The following H2AC4 variants were observed in gnomAD, a reference collection of about 807,000 sequenced individuals.
H2AC4 encodes the protein histone H2A type 1-B/E.
A neutral mutation model predicts 6.1 loss-of-function variants in H2AC4; 8 were observed. That is an observed-to-expected ratio of 1.31 (90% CI 0.77 to 2.36). The LOEUF is 2.36. H2AC4 is among the 30% of genes most tolerant of loss of function. The pLI, the probability that H2AC4 is intolerant of heterozygous loss-of-function variation, is 0.00. For missense variants in H2AC4, 260 were observed against 180.4 expected, an observed-to-expected ratio of 1.44 and a Z score of -2.53; for synonymous variants, 129 against 78.4, an observed-to-expected ratio of 1.64 and a Z score of -3.41.
At position 26,033,221 on chromosome 6, in the gene H2AC4, C is replaced by T; in HGVS notation, c.348G>A (p.Leu116=). ...GGVLPNIQAV[L]LPKKTESHHK... ...GATGGCTCTCAGTTTTCTTAGGCAG[C>T]AGCACCGCCTGAATATTAGGCAAAA... Residue 116 remains leucine (L), a synonymous_variant, in exon 1 of 1, where the codon CTG becomes CTA. Coordinates refer to ENST00000615868, the MANE Select transcript of H2AC4 (RefSeq NM_003513.3). 9 of 1,614,216 alleles carry T rather than the reference C, an allele frequency of 5.6e-6. No homozygotes were observed. The highest frequency in any genetic ancestry group is 1.7e-5 in the Admixed American group (1 of 60,028).
rs200253591 is a variant in H2AC4 at position 26,033,507 on chromosome 6, C to T, written c.62G>A (p.Arg21His). 17 of 1,614,196 alleles carry T rather than the reference C, an allele frequency of 1.1e-5. No homozygotes were observed. The Admixed American group carries it at 1.5e-4, about 14-fold the overall frequency. Reference sequence around the variant, plus strand: ...GCCCACAGGAAACTGCAAACCTGCACGAGAAGACCGAGTCTTAGCCTTGGC... The same window carrying T: ...GCCCACAGGAAACTGCAAACCTGCATGAGAAGACCGAGTCTTAGCCTTGGC... ...ARAKAKTRSS[R>H]AGLQFPVGRV... The change falls in exon 1 of 1, where the codon CGT becomes CAT. Residue 21 changes from arginine to histidine, a missense_variant. Arg to His is a conservative substitution (Grantham distance 29). Coordinates refer to ENST00000615868, the MANE Select transcript of H2AC4 (RefSeq NM_003513.3).
rs774600841 is a variant in H2AC4 at position 26,033,523 on chromosome 6, T to C, written c.46A>G (p.Lys16Glu). ...KQGGKARAKA[K>E]TRSSRAGLQF... The stretch of plus-strand genomic sequence containing the variant: ...AAACCTGCACGAGAAGACCGAGTCT[T>C]AGCCTTGGCGCGAGCTTTACCGCCT... Residue 16 changes from lysine (K) to glutamate (E), a missense_variant, in exon 1 of 1, where the codon AAG (lysine) becomes GAG (glutamate). Transcript: ENST00000615868. 1 of 1,614,158 alleles carries C rather than the reference T, an allele frequency of 6.2e-7. No homozygotes were observed. Among genetic ancestry groups the C allele is most frequent in the South Asian group, 1.1e-5 (1 of 91,078 alleles).
rs1561919835 is a variant in H2AC4, at chr6:26,033,279, A to G, written c.290T>C (p.Leu97Pro). Reference sequence around the variant, plus strand: ...CTGCGCGATGGTCACACGCCCCAAGAGTTTATTAAGCTCCTCGTCATTGCG... The same window carrying G: ...CTGCGCGATGGTCACACGCCCCAAGGGTTTATTAAGCTCCTCGTCATTGCG... ...AIRNDEELNK[L>P]LGRVTIAQGG... The change falls in exon 1 of 1, where the codon CTC (leucine) becomes CCC (proline). Residue 97 changes from leucine to proline, a missense_variant. By Grantham distance (98) the Leu-to-Pro change is moderately conservative (BLOSUM62 -3). Coordinates refer to ENST00000615868, the MANE Select transcript of H2AC4 (RefSeq NM_003513.3). 1 of 1,614,080 alleles carries G rather than the reference A, an allele frequency of 6.2e-7. No individual in the cohort carries two copies. Among genetic ancestry groups the G allele is most frequent in the East Asian group, 2.2e-5 (1 of 44,846 alleles).
Position 26,033,599 on chromosome 6 carries a change from AG to A in H2AC4, c.-32del. 6.2e-7 allele frequency: 1 copy of A among 1,607,528 alleles called. No individual in the cohort carries two copies. The highest frequency in any genetic ancestry group is 2.2e-5 in the East Asian group (1 of 44,854). ...CTTCTGATAAGGGAAAATCGCCACA[AG>A]AAAATGTAATGAAACTACATTAGAA... On this transcript the variant is annotated 5_prime_UTR_variant, in exon 1 of 1. Transcript: ENST00000615868.
Position 26,033,257 on chromosome 6 carries a change from C to G in H2AC4, c.312G>C (p.Ala104=). 6.2e-7 allele frequency: 1 copy of G among 1,614,158 alleles called. No homozygotes were observed. Among genetic ancestry groups the G allele is most frequent in the Non-Finnish European group, 8.5e-7 (1 of 1,180,036 alleles). ...GAATATTAGGCAAAACGCCACCCTG[C>G]GCGATGGTCACACGCCCCAAGAGTT... is the stretch of plus-strand genomic sequence containing the variant. ...LNKLLGRVTI[A]QGGVLPNIQA... is the part of the protein sequence containing the mutation. The change falls in exon 1 of 1, where the codon GCG becomes GCC. Residue 104 remains alanine (A), a synonymous_variant. Coordinates refer to ENST00000615868, the MANE Select transcript of H2AC4 (RefSeq NM_003513.3).
chr6:26,033,458 T>C lies in H2AC4; in HGVS notation c.111A>G (p.Lys37=). ...PVGRVHRLLR[K]GNYSERVGAG... ...CCCCGACGCGCTCGGAGTAGTTGCC[T>C]TTGCGGAGCAGGCGGTGCACTCGGC... The change falls in exon 1 of 1, where the codon AAA becomes AAG. Residue 37 remains lysine, a synonymous_variant. Coordinates refer to ENST00000615868, the MANE Select transcript of H2AC4 (RefSeq NM_003513.3). The C allele has an allele frequency of 1.2e-6, 2 of 1,614,130 alleles. No homozygotes were observed. The highest frequency in any genetic ancestry group is 1.7e-6 in the Non-Finnish European group (2 of 1,180,026).
At position 26,033,338 on chromosome 6, in the gene H2AC4, G is replaced by A. The variant is rs772623470; in HGVS notation, c.231C>T (p.Thr77=). 3 of 1,614,108 alleles carry A rather than the reference G, an allele frequency of 1.9e-6. No individual in the cohort carries two copies. Among genetic ancestry groups the A allele is most frequent in the Admixed American group, 1.7e-5 (1 of 60,024 alleles). ...ATTGCAGGTGGCGCGGGATGATGCG[G>A]GTCTTCTTGTTGTCGCGGGCCGCAT... ...AGNAARDNKK[T]RIIPRHLQLA... is the part of the protein sequence containing the mutation. The change falls in exon 1 of 1, where the codon ACC becomes ACT. Residue 77 remains threonine (T), a synonymous_variant. Coordinates refer to ENST00000615868, the MANE Select transcript of H2AC4 (RefSeq NM_003513.3).
Position 26,033,307 on chromosome 6 carries a change from T to A in H2AC4, c.262A>T (p.Ile88Phe). The change falls in exon 1 of 1, where the codon ATC (isoleucine) becomes TTC (phenylalanine). Residue 88 changes from isoleucine (I) to phenylalanine (F), a missense_variant. Physicochemically the swap from Ile to Phe is conservative, Grantham distance 21 (BLOSUM62 0). Coordinates refer to ENST00000615868, the MANE Select transcript of H2AC4 (RefSeq NM_003513.3). The stretch of plus-strand genomic sequence containing the variant: ...TTATTAAGCTCCTCGTCATTGCGGA[T>A]GGCCAATTGCAGGTGGCGCGGGATG... ...RIIPRHLQLA[I>F]RNDEELNKLL... The A allele has an allele frequency of 6.2e-7, 1 of 1,614,190 alleles. No individual in the cohort carries two copies. The highest frequency in any genetic ancestry group is 8.5e-7 in the Non-Finnish European group (1 of 1,180,038).
In H2AC4 at chr6:26,033,494, C is replaced by G; in HGVS notation, c.75G>C (p.Gln25His). ...AKTRSSRAGLQFPVGRVHRLL... is the reference protein window; with the variant it reads ...AKTRSSRAGLHFPVGRVHRLL... Reference sequence around the variant, plus strand: ...GGCGGTGCACTCGGCCCACAGGAAACTGCAAACCTGCACGAGAAGACCGAG... The same window carrying G: ...GGCGGTGCACTCGGCCCACAGGAAAGTGCAAACCTGCACGAGAAGACCGAG... The change falls in exon 1 of 1, where the codon CAG (glutamine) becomes CAC (histidine). Residue 25 changes from glutamine (Q) to histidine (H), a missense_variant. Physicochemically the swap from Gln to His is conservative, Grantham distance 24. Transcript: ENST00000615868. The G allele has an allele frequency of 6.2e-7, 1 of 1,614,228 alleles. No individual in the cohort carries two copies. Among genetic ancestry groups the G allele is most frequent in the Non-Finnish European group, 8.5e-7 (1 of 1,180,040 alleles).
Position 26,033,517 on chromosome 6 carries a change from G to C in H2AC4, c.52C>G (p.Arg18Gly). 6.2e-7 allele frequency: 1 copy of C among 1,614,206 alleles called. No homozygotes were observed. Among genetic ancestry groups the C allele is most frequent in the Non-Finnish European group, 8.5e-7 (1 of 1,180,032 alleles). Residue 18 changes from arginine (R) to glycine (G), a missense_variant, in exon 1 of 1, where the codon CGG becomes GGG. Transcript: ENST00000615868. ...AACTGCAAACCTGCACGAGAAGACC[G>C]AGTCTTAGCCTTGGCGCGAGCTTTA... ...GGKARAKAKTRSSRAGLQFPV... is the reference protein window; with the variant it reads ...GGKARAKAKTGSSRAGLQFPV...
At position 26,033,317 on chromosome 6, in the gene H2AC4, C is replaced by G; in HGVS notation, c.252G>C (p.Leu84=). The change falls in exon 1 of 1, where the codon CTG becomes CTC. Residue 84 remains leucine (L), a synonymous_variant. Transcript: ENST00000615868. ...CCTCGTCATTGCGGATGGCCAATTG[C>G]AGGTGGCGCGGGATGATGCGGGTCT... ...NKKTRIIPRH[L]QLAIRNDEEL... 1 of 1,614,178 alleles carries G rather than the reference C, an allele frequency of 6.2e-7. No homozygotes were observed. The highest frequency in any genetic ancestry group is 8.5e-7 in the Non-Finnish European group (1 of 1,180,030).
chr6:26,033,582 A>ACGT lies in H2AC4; in HGVS notation c.-15_-14insACG, dbSNP rs1554147667. On this transcript the variant is annotated 5_prime_UTR_variant, in exon 1 of 1. Transcript: ENST00000615868. ...GCGACCAGACATAACTACTTCTGAT[A>ACGT]AGGGAAAATCGCCACAAGAAAATGT... 1.3e-6 allele frequency: 2 copies of ACGT among 1,489,228 alleles called. No homozygotes were observed. The highest frequency in any genetic ancestry group is 8.9e-7 in the Non-Finnish European group (1 of 1,129,934). The allele number at this position is 1,489,228 out of a possible 1,614,324, so 92.3% of individuals were successfully genotyped here. A position where few individuals can be genotyped will look rare whatever the true frequency, so the allele number is the denominator to read the frequency against.
Position 26,033,143 on chromosome 6 carries a change from C to T in H2AC4, c.*33G>A. The T allele has an allele frequency of 1.2e-6, 2 of 1,604,088 alleles. No homozygotes were observed. The highest frequency in any genetic ancestry group is 1.7e-6 in the Non-Finnish European group (2 of 1,177,398). Reference sequence around the variant, plus strand: ...CTGTTAGGCTGATTTTGTCTGCTGACAGAAAAACAGCAGTGCATGAAGCGT... The same window carrying T: ...CTGTTAGGCTGATTTTGTCTGCTGATAGAAAAACAGCAGTGCATGAAGCGT... On this transcript the variant is annotated 3_prime_UTR_variant, in exon 1 of 1. Transcript: ENST00000615868.
rs55640007 is a variant in H2AC4 at position 26,033,584 on chromosome 6, G to GAAA, written c.-17_-16insTTT. ...GACCAGACATAACTACTTCTGATAAGGGAAAATCGCCACAAGAAAATGTAA... is the reference window on the plus strand; with the variant it reads ...GACCAGACATAACTACTTCTGATAAGAAAGGAAAATCGCCACAAGAAAATGTAA... On this transcript the variant is annotated 5_prime_UTR_variant, in exon 1 of 1. Coordinates refer to ENST00000615868, the MANE Select transcript of H2AC4 (RefSeq NM_003513.3). 2.9e-5 allele frequency: 47 copies of GAAA among 1,608,610 alleles called. No homozygotes were observed. Among genetic ancestry groups the GAAA allele is most frequent in the South Asian group, 1.0e-4 (9 of 90,370 alleles).
Position 26,033,387 on chromosome 6 carries a change from G to A in H2AC4, c.182C>T (p.Ala61Val). ...YLAAVLEYLT[A>V]EILELAGNAA... is the part of the protein sequence containing the mutation. Reference sequence around the variant, plus strand: ...ATTGCCCGCCAGCTCCAGGATCTCGGCGGTCAGGTACTCAAGCACCGCCGC... The same window carrying A: ...ATTGCCCGCCAGCTCCAGGATCTCGACGGTCAGGTACTCAAGCACCGCCGC... Residue 61 changes from alanine (A) to valine (V), a missense_variant, in exon 1 of 1, where the codon GCC becomes GTC. Physicochemically the swap from Ala to Val is moderately conservative, Grantham distance 64. Transcript: ENST00000615868. 1 of 1,614,060 alleles carries A rather than the reference G, an allele frequency of 6.2e-7. No homozygotes were observed. Among genetic ancestry groups the A allele is most frequent in the Non-Finnish European group, 8.5e-7 (1 of 1,179,958 alleles).
chr6:26,033,579 G>A lies in H2AC4; in HGVS notation c.-11C>T, dbSNP rs759915374. 22 of 1,489,608 alleles carry A rather than the reference G, an allele frequency of 1.5e-5. No individual in the cohort carries two copies. The highest frequency in any genetic ancestry group is 6.3e-5 in the Admixed American group (3 of 47,944). The allele number at this position is 1,489,608 out of a possible 1,614,324, so 92.3% of individuals were successfully genotyped here. A position where few individuals can be genotyped will look rare whatever the true frequency, so the allele number is the denominator to read the frequency against. ...GCCGCGACCAGACATAACTACTTCT[G>A]ATAAGGGAAAATCGCCACAAGAAAA... On this transcript the variant is annotated 5_prime_UTR_variant, in exon 1 of 1. Transcript: ENST00000615868.
In H2AC4 at chr6:26,033,373, G is replaced by A. The variant is rs992562989; in HGVS notation, c.196C>T (p.Leu66=). Residue 66 remains leucine (L), a synonymous_variant, in exon 1 of 1, where the codon CTG becomes TTG. Coordinates refer to ENST00000615868, the MANE Select transcript of H2AC4 (RefSeq NM_003513.3). ...LEYLTAEILE[L]AGNAARDNKK... ...TTGTCGCGGGCCGCATTGCCCGCCA[G>A]CTCCAGGATCTCGGCGGTCAGGTAC... 8.1e-6 allele frequency: 13 copies of A among 1,614,082 alleles called. No individual in the cohort carries two copies. Among genetic ancestry groups the A allele is most frequent in the Non-Finnish European group, 1.1e-5 (13 of 1,180,010 alleles).
rs767800216 is a variant in H2AC4, at chr6:26,033,526, C to G, written c.43G>C (p.Ala15Pro). The change falls in exon 1 of 1, where the codon GCT becomes CCT. Residue 15 changes from alanine (A) to proline (P), a missense_variant. Physicochemically the swap from Ala to Pro is conservative, Grantham distance 27. Coordinates refer to ENST00000615868, the MANE Select transcript of H2AC4 (RefSeq NM_003513.3). The part of the protein sequence containing the change: ...GKQGGKARAK[A>P]KTRSSRAGLQ... ...CCTGCACGAGAAGACCGAGTCTTAGCCTTGGCGCGAGCTTTACCGCCTTGT... is the reference window on the plus strand; with the variant it reads ...CCTGCACGAGAAGACCGAGTCTTAGGCTTGGCGCGAGCTTTACCGCCTTGT... 64 of 1,613,970 alleles carry G rather than the reference C, an allele frequency of 4.0e-5. No homozygotes were observed. Among genetic ancestry groups the G allele is most frequent in the Non-Finnish European group, 5.4e-5 (64 of 1,180,022 alleles).
rs773101337 is a variant in H2AC4, at chr6:26,033,191, C to CTT, written c.376_377dup (p.Ala127ArgfsTer24). ...CGTTAACTCTTCACTTTCCCTTGGC[C>CTT]TTATGATGGCTCTCAGTTTTCTTAG... On this transcript the variant is annotated frameshift_variant, in exon 1 of 1. Coordinates refer to ENST00000615868, the MANE Select transcript of H2AC4 (RefSeq NM_003513.3). LOFTEE classifies it high-confidence loss of function. 1 of 1,614,092 alleles carries CTT rather than the reference C, an allele frequency of 6.2e-7. No homozygotes were observed. The highest frequency in any genetic ancestry group is 1.3e-5 in the African/African-American group (1 of 74,932).
Sources: gnomAD v4.1 joint callset for allele counts on GRCh38, gnomAD v4.1.1 for gene constraint, MANE v1.5 for transcripts, NCBI Gene and HGNC (gene_info 2026-07-23, HGNC 2026-07-21) for gene names.